GPHN: variants seen among roughly 807,000 people sequenced by gnomAD.
GPHN encodes gephyrin.
GPHN carries 17 observed loss-of-function variants against 95.5 expected under a neutral mutation model. The ratio of observed to expected loss-of-function variants is 0.18; its 90% CI spans 0.12 to 0.27. The LOEUF is 0.27. Ranked by LOEUF, GPHN falls within the 10% of genes least tolerant of loss-of-function variation. The pLI, the probability that GPHN is intolerant of heterozygous loss-of-function variation, is 1.00. For synonymous variants in GPHN, 320 were observed against 322.5 expected, an observed-to-expected ratio of 0.99 and a Z score of 0.08; for missense variants, 660 against 978.1, an observed-to-expected ratio of 0.67 and a Z score of 4.34.
chr14:66,698,689 T>C (rs1354289813), intron 2 of GPHN, among the ~76,000 whole-genome samples: 2 of 152,208 alleles, frequency 1.3e-5, no homozygotes, highest in Non-Finnish European at 2.9e-5. Context: ...AGTAGTTTCA[T>C]ATGTCACTCA....
chr14:66,646,738 T>C (rs567493330), intron 1 of GPHN, among the ~76,000 whole-genome samples: 65 of 151,872 alleles, frequency 4.3e-4, no homozygotes, highest in Non-Finnish European at 7.8e-4. Context: ...GAGTAGGAAA[T>C]GGGGAGCTGT....
the GPHN span, among the ~76,000 whole-genome samples, chr14:67,240,160 G>A: frequency 2.6e-5 from 4 of 152,310 alleles, no homozygotes; most frequent in East Asian, 7.7e-4. Context: ...CACTTGGACA[G>A]AATGCTGATC....
At chr14:67,458,431 A>G in the GPHN span, among the ~76,000 whole-genome samples, 1 of 152,186 alleles carries the variant, frequency 6.6e-6, no homozygotes, top group Non-Finnish European at 1.5e-5. Flanking sequence ...GGGATACCAC[A>G]GTGAAGGAGA....
chr14:66,631,049 TG>T (rs1291913456), intron 1 of GPHN, among the ~76,000 whole-genome samples: 1 of 152,102 alleles, frequency 6.6e-6, no homozygotes, highest in Non-Finnish European at 1.5e-5. Flanking sequence ...TTTTTGTTTT[TG>T]TTTTTGTTTG....
chr14:67,680,011 A>C, the GPHN span, among the ~76,000 whole-genome samples: 1 of 152,210 alleles, frequency 6.6e-6, no homozygotes, highest in African/African-American at 2.4e-5. Flanking sequence ...GTGGGATTCA[A>C]AGTGTGCACC....
the GPHN span, among the ~76,000 whole-genome samples, chr14:67,508,639 G>T: frequency 6.6e-6 from 1 of 151,660 alleles, no homozygotes; most frequent in Admixed American, 6.6e-5. Context: ...CCAGCTACTT[G>T]GAAGGCTGAG....
chr14:67,460,564 C>T, the GPHN span, among the ~76,000 whole-genome samples: 1 of 152,104 alleles, frequency 6.6e-6, no homozygotes, highest in African/African-American at 2.4e-5. Context: ...ATTAGCCGGG[C>T]ATGATGGCGC....
intron 11 of GPHN, among the ~76,000 whole-genome samples, chr14:67,064,452 T>C (rs2075961496): frequency 6.6e-6 from 1 of 152,138 alleles, no homozygotes; most frequent in African/African-American, 2.4e-5. Context: ...CCTCATAAAA[T>C]GAGTTAGGGA....
intron 5 of GPHN, among the ~76,000 whole-genome samples, chr14:66,898,604 C>CT (rs1467113506): frequency 6.6e-6 from 1 of 151,464 alleles, no homozygotes; most frequent in African/African-American, 2.4e-5. Context: ...GTCTGTCCCT[C>CT]TGTCAGTACC....
intron 1 of GPHN, among the ~76,000 whole-genome samples, chr14:66,582,972 A>T (rs1210437655): frequency 5.3e-5 from 8 of 152,314 alleles, no homozygotes; most frequent in Non-Finnish European, 1.0e-4. Context: ...TGACTTCCAC[A>T]ATGGTGGAAC....
chr14:67,247,023 T>G, the GPHN span, among the ~76,000 whole-genome samples: 1 of 152,244 alleles, frequency 6.6e-6, no homozygotes, highest in Non-Finnish European at 1.5e-5. Flanking sequence ...AAAATTGTTA[T>G]GACTATTTTT....
intron 1 of GPHN, among the ~76,000 whole-genome samples, chr14:66,635,041 C>G (rs1175925602): frequency 6.6e-6 from 1 of 152,188 alleles, no homozygotes; most frequent in Non-Finnish European, 1.5e-5. Context: ...AATAGCCTTA[C>G]TCACATGGTT....
At chr14:66,803,352 CTT>C (rs1447355937) in intron 3 of GPHN, among the ~76,000 whole-genome samples, 1 of 152,178 alleles carries the variant, frequency 6.6e-6, no homozygotes, top group African/African-American at 2.4e-5. Context: ...TTCAATGCCT[CTT>C]TTAGCAATAT....
At chr14:67,200,483 A>T in the GPHN span, 4 of 382,250 alleles carry the variant, frequency 1.0e-5, no homozygotes, top group East Asian at 2.1e-4. Context: ...CACAGGAGGT[A>T]TTTCTTTTTT....
chr14:67,543,515 C>A, the GPHN span, among the ~76,000 whole-genome samples: 5 of 152,226 alleles, frequency 3.3e-5, no homozygotes, highest in Non-Finnish European at 7.3e-5. Context: ...ACGTAGAGTG[C>A]TTGTTAAGCA....
chr14:67,118,002 G>A (rs967860134), intron 16 of GPHN, among the ~76,000 whole-genome samples: 1 of 152,142 alleles, frequency 6.6e-6, no homozygotes, highest in African/African-American at 2.4e-5. Flanking sequence ...AGGGAAACCT[G>A]TTGATCATAC....
chr14:67,275,056 C>T, the GPHN span, among the ~76,000 whole-genome samples: 1 of 152,204 alleles, frequency 6.6e-6, no homozygotes, highest in East Asian at 1.9e-4. Flanking sequence ...ACAATCATGT[C>T]ATCTGCAAAC....
chr14:67,073,744 A>T (rs557798553), intron 11 of GPHN, among the ~76,000 whole-genome samples: 3 of 152,256 alleles, frequency 2.0e-5, no homozygotes, highest in African/African-American at 7.2e-5. Flanking sequence ...CATAAAGCTT[A>T]TTTTATTTTA....
At chr14:67,514,955 C>T in the GPHN span, 1 of 143,364 alleles carries the variant, frequency 7.0e-6, no homozygotes, top group Non-Finnish European at 1.6e-5. Flanking sequence ...GCTACAGCCC[C>T]AAGTCCGGTC....
Sources: allele counts gnomAD v4.1 joint callset (sites outside exome capture counted in the v4.1 genomes callset), GRCh38; gene constraint gnomAD v4.1.1; transcripts MANE v1.5; gene names NCBI Gene and HGNC (gene_info 2026-07-23, HGNC 2026-07-21).